CBLN2: variants seen among roughly 807,000 people sequenced by gnomAD.
CBLN2 encodes the protein cerebellin-2.
CBLN2 carries 7 observed loss-of-function variants against 15.0 expected under a neutral mutation model. That is an observed-to-expected ratio of 0.47 (90% CI 0.27 to 0.88). CBLN2 has a LOEUF of 0.88. Ranked by LOEUF, CBLN2 falls within the 40% of genes least tolerant of loss-of-function variation. The pLI is 0.14. For synonymous variants in CBLN2, 149 were observed against 135.2 expected, an observed-to-expected ratio of 1.10 and a Z score of -0.71; for missense variants, 242 against 304.5, an observed-to-expected ratio of 0.79 and a Z score of 1.53.
At chr18:72,599,265 C>T (rs750091600) in intron 1 of CBLN2, among the ~76,000 whole-genome samples, 5 of 151,798 alleles carry the variant, frequency 3.3e-5, no homozygotes, top group East Asian at 1.9e-4. Flanking sequence ...AAATTTAGTC[C>T]GTAAAGTTTG....
At chr18:72,617,870 T>G (rs2069672920) in intron 1 of CBLN2, among the ~76,000 whole-genome samples, 1 of 151,968 alleles carries the variant, frequency 6.6e-6, no homozygotes, top group Non-Finnish European at 1.5e-5. Flanking sequence ...ACTGGATGAG[T>G]TTTTGTTAAG....
intron 1 of CBLN2, among the ~76,000 whole-genome samples, chr18:72,593,420 A>C (rs2069493132): frequency 6.6e-6 from 1 of 152,136 alleles, no homozygotes; most frequent in South Asian, 2.1e-4. Flanking sequence ...TGAAATCTTT[A>C]GGTTTTTCCA....
chr18:72,612,990 C>T (rs1004488997), intron 1 of CBLN2, among the ~76,000 whole-genome samples: 21 of 152,242 alleles, frequency 1.4e-4, no homozygotes, highest in African/African-American at 5.1e-4. Context: ...CAGGCCTTGC[C>T]CCGCAGATTC....
At chr18:72,582,805 G>C (rs766158219) in intron 1 of CBLN2, among the ~76,000 whole-genome samples, 1 of 152,192 alleles carries the variant, frequency 6.6e-6, no homozygotes, top group Non-Finnish European at 1.5e-5. Context: ...GGAAACATGA[G>C]ACCTAGAGTT....
At chr18:72,589,569 T>C (rs1261185489) in intron 1 of CBLN2, among the ~76,000 whole-genome samples, 1 of 152,076 alleles carries the variant, frequency 6.6e-6, no homozygotes. Context: ...CAAAACAAGG[T>C]CACAGCCTAG....
intron 1 of CBLN2, among the ~76,000 whole-genome samples, chr18:72,634,073 T>A (rs2069795954): frequency 6.6e-6 from 1 of 152,038 alleles, no homozygotes; most frequent in African/African-American, 2.4e-5. Context: ...AATTCATTTT[T>A]AAAACAATAA....
chr18:72,632,162 A>G (rs2069781525), intron 1 of CBLN2, among the ~76,000 whole-genome samples: 1 of 152,108 alleles, frequency 6.6e-6, no homozygotes, highest in African/African-American at 2.4e-5. Flanking sequence ...AGCATTTTCA[A>G]TATTTATATA....
chr18:72,613,030 C>A (rs1352083386), intron 1 of CBLN2, among the ~76,000 whole-genome samples: 2 of 152,170 alleles, frequency 1.3e-5, no homozygotes, highest in Non-Finnish European at 2.9e-5. Context: ...ATTGGAGCTC[C>A]TTGTTTTGGG....
intron 1 of CBLN2, among the ~76,000 whole-genome samples, chr18:72,604,615 G>C (rs117971546): frequency 1.3e-5 from 2 of 152,190 alleles, no homozygotes; most frequent in Non-Finnish European, 2.9e-5. Context: ...TGAATCATGA[G>C]AGCTCTTTCC....
chr18:72,609,011 A>C (rs1599021508), intron 1 of CBLN2, among the ~76,000 whole-genome samples: 1 of 152,162 alleles, frequency 6.6e-6, no homozygotes, highest in Non-Finnish European at 1.5e-5. Flanking sequence ...AATTATCTTC[A>C]CTTGGCCCCA....
chr18:72,616,419 C>T (rs542431751), intron 1 of CBLN2, among the ~76,000 whole-genome samples: 1 of 152,258 alleles, frequency 6.6e-6, no homozygotes, highest in South Asian at 2.1e-4. Context: ...TTGGGTCCCC[C>T]TTTGCTCTGT....
chr18:72,573,612 C>T (rs376727378), intron 1 of CBLN2, among the ~76,000 whole-genome samples: 105 of 152,266 alleles, frequency 6.9e-4, no homozygotes, highest in African/African-American at 2.4e-3. Flanking sequence ...TATGTCTATT[C>T]CTGGCTTCAT....
At chr18:72,545,970 T>C (rs2069154999), upstream of CBLN2, among the ~76,000 whole-genome samples, 1 of 152,102 alleles carries the variant, frequency 6.6e-6, no homozygotes, top group Admixed American at 6.5e-5. Context: ...ACACCTTTAA[T>C]CTATGTGACT....
chr18:72,622,863 C>G (rs1209539197), intron 1 of CBLN2, among the ~76,000 whole-genome samples: 1 of 152,166 alleles, frequency 6.6e-6, no homozygotes, highest in Non-Finnish European at 1.5e-5. Flanking sequence ...CTATGTTCTA[C>G]TTCTCTGTAA....
chr18:72,551,780 G>T (rs1396514564), intron 1 of CBLN2, among the ~76,000 whole-genome samples: 1 of 152,092 alleles, frequency 6.6e-6, no homozygotes, highest in Non-Finnish European at 1.5e-5. Context: ...TATCATTTAG[G>T]TTAATATTAA....
intron 1 of CBLN2, among the ~76,000 whole-genome samples, chr18:72,594,444 CTTT>C (rs199998229): frequency 7.2e-6 from 1 of 139,664 alleles, no homozygotes; most frequent in Non-Finnish European, 1.6e-5. Context: ...CTGTAGTTCT[CTTT>C]TTTTTTTTAA....
At chr18:72,633,774 A>G (rs564552212) in intron 1 of CBLN2, among the ~76,000 whole-genome samples, 1 of 152,278 alleles carries the variant, frequency 6.6e-6, no homozygotes, top group Non-Finnish European at 1.5e-5. Context: ...TGCAAATTGA[A>G]TTTTATAAAC....
intron 2 of CBLN2, 139 bp from the exon 3 acceptor site, chr18:72,542,465 T>C: frequency 5.5e-6 from 1 of 180,436 alleles, no homozygotes; most frequent in Non-Finnish European, 1.1e-5. Context: ...CAACCCGCTT[T>C]CCGATCTGGC....
At chr18:72,629,099 CAA>C (rs1227777518) in intron 1 of CBLN2, among the ~76,000 whole-genome samples, 2 of 152,220 alleles carry the variant, frequency 1.3e-5, no homozygotes, top group African/African-American at 4.8e-5. Context: ...CAGTCCCAGA[CAA>C]AGAAGCGAGG....
Sources: allele counts gnomAD v4.1 joint callset (sites outside exome capture counted in the v4.1 genomes callset), GRCh38; gene constraint gnomAD v4.1.1; transcripts MANE v1.5; gene names NCBI Gene and HGNC (gene_info 2026-07-23, HGNC 2026-07-21).